The following CLSTN2 variants were observed in gnomAD, a reference collection of about 807,000 sequenced individuals.
The protein encoded by CLSTN2 is calsyntenin-2.
A neutral mutation model predicts 101.2 loss-of-function variants in CLSTN2; 48 were observed. The observed-to-expected ratio is 0.47, with a 90% CI of 0.38 to 0.60. The LOEUF (loss-of-function observed/expected upper bound fraction) is 0.60. Ranked by LOEUF, CLSTN2 falls within the 20% of genes least tolerant of loss-of-function variation. The pLI is 0.00. For missense variants in CLSTN2, 1,160 were observed against 1,238.2 expected (o/e 0.94, Z 0.95); for synonymous variants, 481 against 463.6 (o/e 1.04, Z -0.48).
chr3:140,474,878 G>A (rs903464095), intron 8 of CLSTN2, among the ~76,000 whole-genome samples: 1 of 152,178 alleles, frequency 6.6e-6, no homozygotes, highest in East Asian at 1.9e-4. Flanking sequence ...AAGGGGTGCA[G>A]AAGCAGTCAG....
chr3:139,940,451 G>T (rs1341658627), intron 1 of CLSTN2, among the ~76,000 whole-genome samples: 1 of 152,146 alleles, frequency 6.6e-6, no homozygotes, highest in African/African-American at 2.4e-5. Context: ...ACTTAGCCCA[G>T]TTTGGGGCAT....
intron 2 of CLSTN2, among the ~76,000 whole-genome samples, chr3:140,207,958 G>GGGAAGCAATATA (rs1189403129): frequency 1.3e-5 from 2 of 152,006 alleles, no homozygotes; most frequent in African/African-American, 4.8e-5. Context: ...TATAATTATA[G>GGGAAGCAATATA]TAATTATTGC....
chr3:140,138,817 T>C (rs1214441685), intron 1 of CLSTN2, among the ~76,000 whole-genome samples: 1 of 152,164 alleles, frequency 6.6e-6, no homozygotes, highest in East Asian at 1.9e-4. Context: ...CCCTTTCTAG[T>C]GTTGAGCTAT....
chr3:140,346,953 G>T (rs966469429), intron 2 of CLSTN2, among the ~76,000 whole-genome samples: 1 of 152,188 alleles, frequency 6.6e-6, no homozygotes, highest in East Asian at 1.9e-4. Flanking sequence ...CTACTGTGCT[G>T]TTCTTTACTT....
At chr3:140,423,101 C>T (rs138232123) in intron 5 of CLSTN2, among the ~76,000 whole-genome samples, 42 of 152,296 alleles carry the variant, frequency 2.8e-4, no homozygotes, top group African/African-American at 9.9e-4. Context: ...AGTCCCAATG[C>T]TTCTTTGACT....
chr3:140,051,613 T>C (rs2007995720), intron 1 of CLSTN2, among the ~76,000 whole-genome samples: 2 of 152,202 alleles, frequency 1.3e-5, no homozygotes, highest in Non-Finnish European at 2.9e-5. Context: ...TTCTACTCCC[T>C]GTGAGGACTG....
At chr3:140,521,363 C>T (rs1405479592) in intron 8 of CLSTN2, among the ~76,000 whole-genome samples, 5 of 152,150 alleles carry the variant, frequency 3.3e-5, no homozygotes, top group Non-Finnish European at 5.9e-5. Flanking sequence ...GTCAGTCAGG[C>T]TACCCTTCCA....
chr3:139,982,874 G>T (rs987327233), intron 1 of CLSTN2, among the ~76,000 whole-genome samples: 5 of 151,838 alleles, frequency 3.3e-5, no homozygotes, highest in South Asian at 2.1e-4. Flanking sequence ...ACTATATATA[G>T]AGAGAGACCA....
chr3:140,092,359 G>T (rs892053242), intron 1 of CLSTN2, among the ~76,000 whole-genome samples: 3 of 152,226 alleles, frequency 2.0e-5, no homozygotes, highest in African/African-American at 4.8e-5. Context: ...TCAGTCCTGG[G>T]CACAGAGAAC....
intron 2 of CLSTN2, among the ~76,000 whole-genome samples, chr3:140,226,296 C>T (rs777551782): frequency 5.3e-5 from 8 of 152,150 alleles, no homozygotes; most frequent in Non-Finnish European, 1.0e-4. Flanking sequence ...TGTTCTGCAT[C>T]TTGACTGTAT....
chr3:140,266,392 G>A (rs557544513), intron 2 of CLSTN2, among the ~76,000 whole-genome samples: 1 of 152,172 alleles, frequency 6.6e-6, no homozygotes, highest in Non-Finnish European at 1.5e-5. Context: ...GATAGTAGTG[G>A]TTGTCTTGAT....
In CLSTN2 at chr3:140,563,295, G is replaced by A. The variant is rs192685409; in HGVS notation, c.2482+92G>A. On this transcript the variant is annotated intron_variant, in intron 15 of 16. Coordinates refer to ENST00000458420, the MANE Select transcript of CLSTN2 (RefSeq NM_022131.3). ...AACAGACGGTTATGTTGTAGCAAAC[G>A]TAGGTGCCCAGAACTGAGGGAGGGA... 392 of 1,454,130 alleles carry A rather than the reference G, an allele frequency of 2.7e-4. 2 individuals are homozygous for A. The African/African-American group carries it at 4.7e-3, about 17-fold the overall frequency. 90.1% of individuals were successfully genotyped at this position (1,454,130 alleles called of 1,614,324 possible). A position where few individuals can be genotyped will look rare whatever the true frequency, so the allele number is the denominator to read the frequency against.
At chr3:140,409,445 C>T (rs2088338837) in intron 4 of CLSTN2, among the ~76,000 whole-genome samples, 1 of 152,190 alleles carries the variant, frequency 6.6e-6, no homozygotes, top group African/African-American at 2.4e-5. Context: ...TAAGACATTG[C>T]ATCCCTCTCC....
Position 140,432,661 on chromosome 3 carries a change from G to A in CLSTN2, c.787+11387G>A, listed in dbSNP as rs890280628. Among the ~76,000 whole-genome samples the A allele has an allele frequency of 3.3e-5, 5 of 152,276 alleles. No individual in the cohort carries two copies. The South Asian group carries it at 8.3e-4, about 25-fold the overall frequency. Reference sequence around the variant, plus strand: ...AGGATGCTGATTTACCTACTCAATGGTATCTTAATGTGCTTAAAGAGCTGC... The same window carrying A: ...AGGATGCTGATTTACCTACTCAATGATATCTTAATGTGCTTAAAGAGCTGC... On this transcript the variant is annotated intron_variant, in intron 5 of 16. Transcript: ENST00000458420.
At chr3:140,282,347 A>G (rs62267997) in intron 2 of CLSTN2, among the ~76,000 whole-genome samples, 1,901 of 152,260 alleles carry the variant, frequency 0.012, 14 homozygotes, top group Middle Eastern at 0.017. Flanking sequence ...CAAGTGGTAC[A>G]GGTGCAGAGA....
At chr3:140,069,776 GCTAGGA>G in intron 1 of CLSTN2, among the ~76,000 whole-genome samples, 1 of 152,292 alleles carries the variant, frequency 6.6e-6, no homozygotes, top group Middle Eastern at 3.4e-3. Context: ...TCTCCATGAG[GCTAGGA>G]CTACAGGGTT....
rs1985680580 is a variant in CLSTN2 at position 140,574,803 on chromosome 3, A to G, written c.*8550A>G. The G allele has an allele frequency of 6.6e-6, 1 of 152,242 alleles. No individual in the cohort carries two copies. Among genetic ancestry groups the G allele is most frequent in the Admixed American group, 6.5e-5 (1 of 15,290 alleles). 9.4% of individuals were successfully genotyped at this position (152,242 alleles called of 1,614,324 possible). ...AGAAATGAGCCCACATTTTGTGTGC[A>G]GAGAGAATCAACCCACAGGTCTCAG... On this transcript the variant is annotated 3_prime_UTR_variant, in exon 17 of 17. Coordinates refer to ENST00000458420, the MANE Select transcript of CLSTN2 (RefSeq NM_022131.3).
At chr3:140,456,201 A>G (rs61128553) in intron 6 of CLSTN2, among the ~76,000 whole-genome samples, 23,647 of 152,112 alleles carry the variant, frequency 0.16, 1,922 homozygotes, top group Middle Eastern at 0.27. Flanking sequence ...CTCAGTTTCT[A>G]TGTTTGCAAA....
intron 2 of CLSTN2, among the ~76,000 whole-genome samples, chr3:140,220,853 C>T (rs776537592): frequency 2.6e-5 from 4 of 151,826 alleles, no homozygotes; most frequent in African/African-American, 7.3e-5. Context: ...CCTCTATGTG[C>T]CCGGGACTGT....
Sources: gnomAD v4.1 joint callset for allele counts (sites outside exome capture counted in the v4.1 genomes callset) on GRCh38, gnomAD v4.1.1 for gene constraint, MANE v1.5 for transcripts, NCBI Gene and HGNC (gene_info 2026-07-23, HGNC 2026-07-21) for gene names.